Variants in CTNNA3 observed in about 807,000 individuals in gnomAD.
CTNNA3 encodes the protein catenin alpha-3.
In CTNNA3, 76 loss-of-function variants were observed where a neutral mutation model predicts 95.7. That is an observed-to-expected ratio of 0.79 (90% confidence interval 0.66 to 0.96). The LOEUF is 0.96. Among genes scored for constraint, CTNNA3 ranks in the 40% least tolerant of loss-of-function variants. CTNNA3 has a pLI of 0.00. For synonymous variants in CTNNA3, 431 were observed against 374.4 expected (o/e 1.15, Z -1.74); for missense variants, 1,191 against 1,089.8 (o/e 1.09, Z -1.31).
intron 10 of CTNNA3, among the ~76,000 whole-genome samples, chr10:66,612,601 G>A (rs1414277429): frequency 6.6e-6 from 1 of 152,026 alleles, no homozygotes; most frequent in Non-Finnish European, 1.5e-5. Context: ...CTGATTCTGA[G>A]CTTTCTGGCC....
chr10:67,685,344 G>A (rs192357292), intron 1 of CTNNA3, among the ~76,000 whole-genome samples: 5 of 152,234 alleles, frequency 3.3e-5, no homozygotes, highest in Non-Finnish European at 7.3e-5. Context: ...CAAACAGCTT[G>A]CACATTTAAG....
intron 11 of CTNNA3, among the ~76,000 whole-genome samples, chr10:66,392,771 A>C (rs756250228): frequency 6.6e-6 from 1 of 152,172 alleles, no homozygotes; most frequent in Non-Finnish European, 1.5e-5. Flanking sequence ...ACTCTCGTTC[A>C]TCGCTGAAGA....
At position 66,743,999 on chromosome 10, in the gene CTNNA3, AGG is replaced by A. The variant is rs1398617276; in HGVS notation, c.1281+22263_1281+22264del. Among the ~76,000 whole-genome samples, 128 of 148,416 alleles carry A rather than the reference AGG, an allele frequency of 8.6e-4. 1 individual carries two copies. Among genetic ancestry groups the A allele is most frequent in the African/African-American group, 2.3e-3 (93 of 40,298 alleles). ...CAAAAAAAAAAAAAAAAAAAAAAAA[AGG>A]AAAGAAGGAGGAAGAGGAGGAAAAG... On this transcript the variant is annotated intron_variant, in intron 9 of 17. Coordinates refer to ENST00000433211, the MANE Select transcript of CTNNA3 (RefSeq NM_013266.4).
At chr10:66,293,667 CTTT>C (rs11374911) in intron 12 of CTNNA3, among the ~76,000 whole-genome samples, 1 of 138,390 alleles carries the variant, frequency 7.2e-6, no homozygotes. Flanking sequence ...TTTTTTCTTT[CTTT>C]TTTTTTTTTT....
chr10:66,046,715 T>A (rs1234750154), intron 15 of CTNNA3, among the ~76,000 whole-genome samples: 6 of 151,896 alleles, frequency 4.0e-5, no homozygotes, highest in Non-Finnish European at 8.8e-5. Flanking sequence ...ATAGATAGGC[T>A]ATTATACCTA....
chr10:66,850,034 G>A (rs1843427091), intron 7 of CTNNA3, among the ~76,000 whole-genome samples: 1 of 152,032 alleles, frequency 6.6e-6, no homozygotes, highest in Non-Finnish European at 1.5e-5. Context: ...GAAAGTCAAT[G>A]TAAAAATTTA....
At chr10:67,187,256 G>A (rs1457849139) in intron 6 of CTNNA3, among the ~76,000 whole-genome samples, 1 of 152,022 alleles carries the variant, frequency 6.6e-6, no homozygotes, top group African/African-American at 2.4e-5. Context: ...CCATTTTGTG[G>A]GGTATTATCA....
chr10:66,688,504 C>T (rs898524874), intron 9 of CTNNA3, among the ~76,000 whole-genome samples: 8 of 152,082 alleles, frequency 5.3e-5, no homozygotes, highest in South Asian at 2.1e-4. Flanking sequence ...GGTCAAAGAA[C>T]GAATGATGTC....
intron 5 of CTNNA3, among the ~76,000 whole-genome samples, chr10:67,333,401 A>C (rs1441808407): frequency 1.3e-5 from 2 of 152,180 alleles, no homozygotes; most frequent in Non-Finnish European, 2.9e-5. Context: ...TGGGATGCTA[A>C]GATTTCTTGC....
chr10:66,664,125 G>A (rs1316399712), intron 9 of CTNNA3, among the ~76,000 whole-genome samples: 5 of 151,748 alleles, frequency 3.3e-5, no homozygotes, highest in African/African-American at 1.2e-4. Flanking sequence ...ATATACAAAA[G>A]GTTAATCTTT....
chr10:67,682,032 C>G (rs777347684), intron 1 of CTNNA3, among the ~76,000 whole-genome samples: 7 of 151,980 alleles, frequency 4.6e-5, no homozygotes, highest in Non-Finnish European at 8.8e-5. Flanking sequence ...GTGGTGGGCA[C>G]CCGTAATCGC....
At chr10:66,859,514 C>G (rs1207799730) in intron 7 of CTNNA3, among the ~76,000 whole-genome samples, 1 of 151,864 alleles carries the variant, frequency 6.6e-6, no homozygotes, top group African/African-American at 2.4e-5. Flanking sequence ...TGTCAGGAAA[C>G]AACAGGTGCT....
At chr10:67,590,208 T>A (rs575415319) in intron 3 of CTNNA3, among the ~76,000 whole-genome samples, 1 of 152,146 alleles carries the variant, frequency 6.6e-6, no homozygotes, top group African/African-American at 2.4e-5. Flanking sequence ...GTTACTCACA[T>A]AAGCCAAACA....
intron 1 of CTNNA3, among the ~76,000 whole-genome samples, chr10:67,667,791 A>T (rs533322790): frequency 4.6e-5 from 7 of 152,254 alleles, no homozygotes; most frequent in Admixed American, 4.6e-4. Context: ...ATAAAATAGG[A>T]TACCTCTTAA....
intron 14 of CTNNA3, among the ~76,000 whole-genome samples, chr10:66,094,447 G>T (rs1464531623): frequency 1.3e-5 from 2 of 152,080 alleles, no homozygotes; most frequent in East Asian, 1.9e-4. Flanking sequence ...AGGAGCTTAA[G>T]TATGGACAAT....
At position 66,186,303 on chromosome 10, in the gene CTNNA3, T is replaced by TGTGAGA. The variant is rs112758582; in HGVS notation, c.1885-83055_1885-83054insTCTCAC. ...GTGAGTGTGTGTGTGTGTGTGTGTG[T>TGTGAGA]GAGAGATAGAGAGAGAGAGATGAGT... On this transcript the variant is annotated intron_variant, in intron 13 of 17. Coordinates refer to ENST00000433211, the MANE Select transcript of CTNNA3 (RefSeq NM_013266.4). Among the ~76,000 whole-genome samples the TGTGAGA allele has an allele frequency of 2.0e-4, 30 of 149,378 alleles. No individual in the cohort carries two copies. The East Asian group carries it at 2.2e-3, about 11-fold the overall frequency.
At chr10:66,215,365 T>C (rs1381505770) in intron 13 of CTNNA3, among the ~76,000 whole-genome samples, 1 of 152,198 alleles carries the variant, frequency 6.6e-6, no homozygotes, top group African/African-American at 2.4e-5. Flanking sequence ...GTGATCCCTA[T>C]AATTAAATTA....
intron 11 of CTNNA3, among the ~76,000 whole-genome samples, chr10:66,396,755 C>G (rs777847858): frequency 4.1e-4 from 63 of 151,814 alleles, no homozygotes; most frequent in Non-Finnish European, 7.7e-4. Context: ...CAAAGAAATT[C>G]CATTTCTAAT....
At chr10:67,164,890 G>A (rs1861693139) in intron 7 of CTNNA3, among the ~76,000 whole-genome samples, 1 of 152,176 alleles carries the variant, frequency 6.6e-6, no homozygotes, top group Admixed American at 6.5e-5. Flanking sequence ...ATGTTGGTCA[G>A]AGTGTTGAAT....
Sources: allele counts gnomAD v4.1 joint callset (sites outside exome capture counted in the v4.1 genomes callset), GRCh38; gene constraint gnomAD v4.1.1; transcripts MANE v1.5; gene names NCBI Gene and HGNC (gene_info 2026-07-23, HGNC 2026-07-21).